SPECC1: variants seen among roughly 807,000 people sequenced by gnomAD.
The protein encoded by SPECC1 is cytospin-B.
Under a neutral mutation model 104.1 loss-of-function variants are expected in SPECC1, and 62 were observed. The ratio of observed to expected loss-of-function variants is 0.60; its 90% CI spans 0.49 to 0.74. The LOEUF (loss-of-function observed/expected upper bound fraction) is 0.74, where lower values mean the gene tolerates loss of function less well. Ranked by LOEUF, SPECC1 falls within the 30% of genes least tolerant of loss-of-function variation. The pLI is 0.00. For missense variants in SPECC1, 1,306 were observed against 1,310.5 expected (o/e 1.00, Z 0.05); for synonymous variants, 513 against 501.6 (o/e 1.02, Z -0.30).
At chr17:20,109,377 C>A (rs2048374210) in intron 2 of SPECC1, among the ~76,000 whole-genome samples, 1 of 152,202 alleles carries the variant, frequency 6.6e-6, no homozygotes, top group South Asian at 2.1e-4. Context: ...AGTCTTCCGG[C>A]ACTGTTCCTC....
rs1462639070 is a variant in SPECC1 at position 20,314,360 on chromosome 17, T to A, written c.*295T>A. On this transcript the variant is annotated 3_prime_UTR_variant, in exon 15 of 15. Transcript: ENST00000395527. ...ACCAAGACCCCACACCCAGGCTTGT[T>A]TTGCTGATTATATTGGGTGGCTGAA... The A allele has an allele frequency of 4.9e-6, 2 of 404,128 alleles. No individual in the cohort carries two copies. Among genetic ancestry groups the A allele is most frequent in the South Asian group, 4.6e-5 (1 of 21,668 alleles). The allele number at this position is 404,128 out of a possible 1,614,324, so 25.0% of individuals were successfully genotyped here.
intron 12 of SPECC1, among the ~76,000 whole-genome samples, chr17:20,290,034 C>T (rs918002099): frequency 2.0e-5 from 3 of 151,970 alleles, no homozygotes; most frequent in Admixed American, 1.3e-4. Context: ...TCTCCTTTTT[C>T]CTGTGTTGTT....
intron 9 of SPECC1, among the ~76,000 whole-genome samples, chr17:20,250,673 T>C (rs2039590448): frequency 6.6e-6 from 1 of 152,206 alleles, no homozygotes; most frequent in African/African-American, 2.4e-5. Flanking sequence ...GAAGAAATAA[T>C]GTCAATCTTA....
intron 2 of SPECC1, among the ~76,000 whole-genome samples, chr17:20,107,026 A>G (rs1438550306): frequency 6.6e-6 from 1 of 151,356 alleles, no homozygotes; most frequent in Non-Finnish European, 1.5e-5. Flanking sequence ...GTGTGGAGGC[A>G]CACGCCTGTA....
chr17:20,135,564 G>A (rs1292779054), intron 3 of SPECC1, among the ~76,000 whole-genome samples: 2 of 152,036 alleles, frequency 1.3e-5, no homozygotes, highest in East Asian at 1.9e-4. Flanking sequence ...TGATCCTCCC[G>A]CCTCAGCCTC....
chr17:20,098,985 G>A (rs971384929), intron 2 of SPECC1, among the ~76,000 whole-genome samples: 3 of 152,174 alleles, frequency 2.0e-5, no homozygotes, highest in African/African-American at 7.2e-5. Context: ...GGAACAAGAG[G>A]AGCTTGGGGG....
At chr17:20,182,963 G>A (rs1466276949) in intron 3 of SPECC1, among the ~76,000 whole-genome samples, 1 of 152,050 alleles carries the variant, frequency 6.6e-6, no homozygotes, top group East Asian at 1.9e-4. Flanking sequence ...CAAATAATGG[G>A]GTACAACTAG....
intron 1 of SPECC1, among the ~76,000 whole-genome samples, chr17:20,045,619 C>T (rs911113209): frequency 1.3e-5 from 2 of 152,098 alleles, no homozygotes; most frequent in Non-Finnish European, 2.9e-5. Flanking sequence ...TTACAGGTGC[C>T]TTTGAGATGG....
intron 13 of SPECC1, among the ~76,000 whole-genome samples, chr17:20,297,994 A>C (rs922651020): frequency 1.3e-5 from 2 of 152,252 alleles, no homozygotes; most frequent in African/African-American, 4.8e-5. Context: ...AGAGAAACTC[A>C]GTGCTGTGAG....
chr17:20,065,046 C>A (rs2046312992), intron 1 of SPECC1, among the ~76,000 whole-genome samples: 1 of 152,194 alleles, frequency 6.6e-6, no homozygotes, highest in African/African-American at 2.4e-5. Context: ...ATGCTTGTGT[C>A]AAATTTCAGA....
At chr17:20,267,174 C>T (rs1388027512) in intron 12 of SPECC1, among the ~76,000 whole-genome samples, 1 of 152,184 alleles carries the variant, frequency 6.6e-6, no homozygotes, top group Non-Finnish European at 1.5e-5. Context: ...TCAACTCATA[C>T]ACACTGGTGT....
intron 3 of SPECC1, among the ~76,000 whole-genome samples, chr17:20,171,398 G>A (rs1202519597): frequency 1.3e-5 from 2 of 152,194 alleles, no homozygotes; most frequent in Non-Finnish European, 2.9e-5. Flanking sequence ...TCAGATCAAT[G>A]ATGAAATTTT....
intron 1 of SPECC1, among the ~76,000 whole-genome samples, chr17:20,041,060 C>T (rs2045306096): frequency 2.0e-5 from 3 of 151,868 alleles, no homozygotes; most frequent in African/African-American, 4.8e-5. Flanking sequence ...CCTGCTGCTC[C>T]TCTTTTTTCT....
chr17:20,169,636 C>G (rs968996698), intron 3 of SPECC1, among the ~76,000 whole-genome samples: 1 of 151,746 alleles, frequency 6.6e-6, no homozygotes, highest in Non-Finnish European at 1.5e-5. Flanking sequence ...TCTAAAGTTC[C>G]TGATAATTTT....
intron 14 of SPECC1, among the ~76,000 whole-genome samples, chr17:20,312,968 C>T (rs2041971422): frequency 1.3e-5 from 2 of 152,220 alleles, no homozygotes; most frequent in Admixed American, 1.3e-4. Flanking sequence ...CATGGCATCT[C>T]TGCTTCTGGC....
intron 3 of SPECC1, among the ~76,000 whole-genome samples, chr17:20,127,476 T>G (rs2049375250): frequency 7.6e-6 from 1 of 131,432 alleles, no homozygotes; most frequent in Admixed American, 8.9e-5. Context: ...AGACTCTCAC[T>G]CTTTTGCCCA....
At chr17:20,056,324 T>C in intron 1 of SPECC1, 1 of 190,864 alleles carries the variant, frequency 5.2e-6, no homozygotes, top group Non-Finnish European at 1.1e-5. Flanking sequence ...CTGGTGCGGC[T>C]TGGGAACCCG....
intron 3 of SPECC1, among the ~76,000 whole-genome samples, chr17:20,199,675 T>C (rs867706307): frequency 6.6e-6 from 1 of 152,098 alleles, no homozygotes; most frequent in Admixed American, 6.5e-5. Flanking sequence ...TTTAAACTTT[T>C]TGAGGAAACT....
chr17:20,255,436 G>A (rs1288826550), intron 10 of SPECC1, among the ~76,000 whole-genome samples: 1 of 152,062 alleles, frequency 6.6e-6, no homozygotes, highest in Non-Finnish European at 1.5e-5. Flanking sequence ...GAAAAATTGT[G>A]GTAAAAGACA....
Sources: gnomAD v4.1 joint callset for allele counts (sites outside exome capture counted in the v4.1 genomes callset) on GRCh38, gnomAD v4.1.1 for gene constraint, MANE v1.5 for transcripts, NCBI Gene and HGNC (gene_info 2026-07-23, HGNC 2026-07-21) for gene names.